Variants in PTK2B observed in about 807,000 individuals in gnomAD.
PTK2B encodes protein tyrosine kinase 2 beta, also known as protein-tyrosine kinase 2-beta.
In PTK2B, 71 loss-of-function variants were observed where a neutral mutation model predicts 142.9. That is an observed-to-expected ratio of 0.50 (90% CI 0.41 to 0.61). The LOEUF is 0.61. Ranked by LOEUF, PTK2B falls within the 20% of genes least tolerant of loss-of-function variation. PTK2B has a pLI of 0.00. For synonymous variants in PTK2B, 519 were observed against 503.4 expected (o/e 1.03, Z -0.42); for missense variants, 1,105 against 1,320.4 (o/e 0.84, Z 2.53).
chr8:27,365,188 G>T (rs149790495), intron 1 of PTK2B, among the ~76,000 whole-genome samples: 1 of 152,202 alleles, frequency 6.6e-6, no homozygotes, highest in South Asian at 2.1e-4. Flanking sequence ...TGTCCCCTTC[G>T]CTTGCGCTAA....
At chr8:27,349,942 T>A (rs1163580197) in intron 1 of PTK2B, among the ~76,000 whole-genome samples, 1 of 152,174 alleles carries the variant, frequency 6.6e-6, no homozygotes, top group Non-Finnish European at 1.5e-5. Context: ...ATACTTCCAC[T>A]CTCTGTTCAC....
At chr8:27,332,577 A>G (rs1187569677) in intron 1 of PTK2B, among the ~76,000 whole-genome samples, 1 of 150,058 alleles carries the variant, frequency 6.7e-6, no homozygotes, top group Non-Finnish European at 1.5e-5. Context: ...TTCTTCCCCC[A>G]ATTTTTTTTT....
rs545779914 is a variant in PTK2B, at chr8:27,383,239, A to AC, written c.-37-14302dup. Reference sequence around the variant, plus strand: ...TGTGTGTCCTCTTCTAATTCTTCCCACCCCCCCACTCTCCCAACACACGCC... The same window carrying AC: ...TGTGTGTCCTCTTCTAATTCTTCCCACCCCCCCCACTCTCCCAACACACGCC... On this transcript the variant is annotated intron_variant, in intron 1 of 30. Transcript: ENST00000346049. Among the ~76,000 whole-genome samples, 329 of 149,922 alleles carry AC rather than the reference A, an allele frequency of 2.2e-3. 1 individual carries two copies. Among genetic ancestry groups the AC allele is most frequent in the African/African-American group, 7.6e-3 (311 of 40,680 alleles).
At chr8:27,429,978 CT>C in intron 5 of PTK2B, 114 bp from the exon 6 acceptor site, 1 of 951,378 alleles carries the variant, frequency 1.1e-6, no homozygotes, top group Non-Finnish European at 1.7e-6. Context: ...TTCCTTTCTC[CT>C]GATGATTCCC....
intron 1 of PTK2B, among the ~76,000 whole-genome samples, chr8:27,350,651 T>G (rs1305520327): frequency 1.3e-5 from 2 of 152,012 alleles, no homozygotes; most frequent in Non-Finnish European, 2.9e-5. Context: ...AAGTGCGAAC[T>G]GTTAACCCCA....
At position 27,451,479 on chromosome 8, in the gene PTK2B, C is replaced by T. The variant is rs748411019; in HGVS notation, c.2524-6C>T. On this transcript the variant is annotated splice_region_variant and splice_polypyrimidine_tract_variant and intron_variant, in intron 26 of 30. Coordinates refer to ENST00000346049, the MANE Select transcript of PTK2B (RefSeq NM_173176.3). ...ACGTTCCTGTTCTCTTTCCTCCTTC[C>T]TCCAGACGCCAGAGAAGGAGGTCGG... 3 of 1,614,076 alleles carry T rather than the reference C, an allele frequency of 1.9e-6. No individual in the cohort carries two copies. Among genetic ancestry groups the T allele is most frequent in the Admixed American group, 3.3e-5 (2 of 60,004 alleles).
At chr8:27,337,244 T>G (rs1804129293) in intron 1 of PTK2B, among the ~76,000 whole-genome samples, 1 of 152,124 alleles carries the variant, frequency 6.6e-6, no homozygotes, top group Non-Finnish European at 1.5e-5. Flanking sequence ...CAAGTGATTC[T>G]CCTGCCTCAG....
intron 5 of PTK2B, among the ~76,000 whole-genome samples, chr8:27,426,362 T>G (rs1810082210): frequency 6.6e-6 from 1 of 152,220 alleles, no homozygotes; most frequent in Admixed American, 6.5e-5. Flanking sequence ...ATTGCAGGCT[T>G]GAGCTGGAAG....
intron 1 of PTK2B, among the ~76,000 whole-genome samples, chr8:27,341,092 G>A (rs953256773): frequency 1.3e-5 from 2 of 152,194 alleles, no homozygotes; most frequent in East Asian, 3.9e-4. Context: ...ATGACACACA[G>A]AGGATGTTCA....
At chr8:27,310,713 G>C (rs900089539), upstream of PTK2B, 3 of 1,417,632 alleles carry the variant, frequency 2.1e-6, no homozygotes, top group Non-Finnish European at 2.8e-6. Flanking sequence ...ACTGGGCTCT[G>C]GCAGGCAGGA....
In PTK2B at chr8:27,410,089, C is replaced by G. The variant is rs116542595; in HGVS notation, c.205-9806C>G. Among the ~76,000 whole-genome samples the G allele has an allele frequency of 7.5e-3, 1,143 of 152,238 alleles. 17 individuals are homozygous for G. The highest frequency in any genetic ancestry group is 0.027 in the African/African-American group (1,111 of 41,528). On this transcript the variant is annotated intron_variant, in intron 2 of 30. Coordinates refer to ENST00000346049, the MANE Select transcript of PTK2B (RefSeq NM_173176.3). Reference sequence around the variant, plus strand: ...TAAAATGTTAAGTATAGTCATCTTACTAAAACAAACAAACAAAAAAGAATA... The same window carrying G: ...TAAAATGTTAAGTATAGTCATCTTAGTAAAACAAACAAACAAAAAAGAATA...
intron 20 of PTK2B, among the ~76,000 whole-genome samples, chr8:27,439,912 A>G (rs1396755677): frequency 6.6e-6 from 1 of 152,154 alleles, no homozygotes; most frequent in Admixed American, 6.5e-5. Flanking sequence ...CGAGGCTTCC[A>G]TTTCCAGCTT....
intron 3 of PTK2B, among the ~76,000 whole-genome samples, chr8:27,314,834 T>G (rs1305951114): frequency 6.6e-6 from 1 of 152,184 alleles, no homozygotes; most frequent in African/African-American, 2.4e-5. Context: ...CCAGCTACTC[T>G]GGAGGCTGAG....
At chr8:27,314,693 G>A (rs1025863789) in intron 3 of PTK2B, among the ~76,000 whole-genome samples, 3 of 152,184 alleles carry the variant, frequency 2.0e-5, no homozygotes, top group African/African-American at 4.8e-5. Flanking sequence ...ATCTCAGGCC[G>A]GTTCCCACAC....
At chr8:27,409,147 T>C (rs1808902169) in intron 2 of PTK2B, among the ~76,000 whole-genome samples, 1 of 152,162 alleles carries the variant, frequency 6.6e-6, no homozygotes, top group Non-Finnish European at 1.5e-5. Flanking sequence ...TTTAACTCGA[T>C]TAGTCTGTAA....
intron 14 of PTK2B, 22 bp downstream of exon 14, chr8:27,435,815 A>G: frequency 6.2e-7 from 1 of 1,611,848 alleles, no homozygotes; most frequent in Non-Finnish European, 8.5e-7. Context: ...ACCCCGCCAC[A>G]GCGACCGTAG....
chr8:27,313,151 G>C (rs1231429469), intron 2 of PTK2B: 1 of 152,210 alleles, frequency 6.6e-6, no homozygotes, highest in Non-Finnish European at 1.5e-5. Context: ...CACGAGATCT[G>C]ATGGTTTTAT....
intron 2 of PTK2B, among the ~76,000 whole-genome samples, chr8:27,406,046 C>T (rs934622377): frequency 6.6e-6 from 1 of 152,228 alleles, no homozygotes; most frequent in African/African-American, 2.4e-5. Context: ...TCAGCAGGGA[C>T]TCAGTTCTCC....
At chr8:27,405,849 C>T (rs181199082) in intron 2 of PTK2B, among the ~76,000 whole-genome samples, 1 of 152,256 alleles carries the variant, frequency 6.6e-6, no homozygotes, top group African/African-American at 2.4e-5. Flanking sequence ...GTTATGCTCA[C>T]TTGTATTATT....
Sources: allele counts gnomAD v4.1 joint callset (sites outside exome capture counted in the v4.1 genomes callset), GRCh38; gene constraint gnomAD v4.1.1; transcripts MANE v1.5; gene names NCBI Gene and HGNC (gene_info 2026-07-23, HGNC 2026-07-21).